Variants in HDAC9 observed in about 807,000 individuals in gnomAD.
The protein encoded by HDAC9 is histone deacetylase 9, also known as MEF-2 interacting transcription repressor (MITR) protein.
Under a neutral mutation model 139.4 loss-of-function variants are expected in HDAC9, and 41 were observed. That is an observed-to-expected ratio of 0.29 (90% CI 0.23 to 0.38). The LOEUF (loss-of-function observed/expected upper bound fraction) is 0.38. Among genes scored for constraint, HDAC9 ranks in the 10% least tolerant of loss-of-function variants. HDAC9 has a pLI of 1.00. For missense variants in HDAC9, 1,147 were observed against 1,297.0 expected (o/e 0.88, Z 1.78); for synonymous variants, 517 against 476.2 (o/e 1.09, Z -1.12).
At chr7:18,126,815 A>G (rs1432319797) in intron 1 of HDAC9, among the ~76,000 whole-genome samples, 1 of 152,148 alleles carries the variant, frequency 6.6e-6, no homozygotes, top group East Asian at 1.9e-4. Flanking sequence ...TTCTGTTTGG[A>G]TTAAAGATAG....
At chr7:18,712,885 G>A (rs1471980529) in intron 12 of HDAC9, among the ~76,000 whole-genome samples, 1 of 152,122 alleles carries the variant, frequency 6.6e-6, no homozygotes, top group Admixed American at 6.5e-5. Context: ...ATTCATGTAA[G>A]CCAGGAACTA....
At chr7:18,255,194 A>G (rs1472157509) in intron 2 of HDAC9, among the ~76,000 whole-genome samples, 5 of 152,228 alleles carry the variant, frequency 3.3e-5, no homozygotes, top group African/African-American at 4.8e-5. Flanking sequence ...AAAAGCAGCC[A>G]TAACTTCCAG....
intron 9 of HDAC9, 94 bp downstream of exon 9, chr7:18,644,887 A>C (rs577570779): frequency 1.4e-5 from 18 of 1,270,590 alleles, no homozygotes; most frequent in Non-Finnish European, 1.8e-5. Flanking sequence ...AGACTTTAGA[A>C]AAACTTGACA....
intron 11 of HDAC9, 29 bp downstream of exon 11, chr7:18,648,712 C>T: frequency 6.3e-7 from 1 of 1,578,256 alleles, no homozygotes; most frequent in South Asian, 1.1e-5. Flanking sequence ...TCAAAATGTT[C>T]TAACCGCCAG....
intron 24 of HDAC9, among the ~76,000 whole-genome samples, chr7:18,960,963 A>G (rs1249773529): frequency 6.6e-6 from 1 of 152,176 alleles, no homozygotes; most frequent in African/African-American, 2.4e-5. Context: ...GTTTCTCCAG[A>G]TTGCAACGTG....
At chr7:18,820,237 A>G (rs928448181) in intron 17 of HDAC9, among the ~76,000 whole-genome samples, 3 of 152,204 alleles carry the variant, frequency 2.0e-5, no homozygotes, top group African/African-American at 7.2e-5. Context: ...TTTGAAAAAC[A>G]GTAAATTAAT....
chr7:18,472,504 C>G (rs1324543645), intron 1 of HDAC9, among the ~76,000 whole-genome samples: 2 of 152,228 alleles, frequency 1.3e-5, no homozygotes, highest in African/African-American at 4.8e-5. Context: ...GCTGTCTACT[C>G]CAAAAGCATC....
chr7:18,958,371 T>C (rs1403169547), intron 24 of HDAC9, among the ~76,000 whole-genome samples: 2 of 152,144 alleles, frequency 1.3e-5, no homozygotes, highest in Non-Finnish European at 2.9e-5. Flanking sequence ...TGAAGACTTA[T>C]CAGAAAGAAT....
intron 2 of HDAC9, among the ~76,000 whole-genome samples, chr7:18,176,262 C>G (rs571249231): frequency 1.3e-5 from 2 of 152,126 alleles, no homozygotes; most frequent in African/African-American, 4.8e-5. Flanking sequence ...TTTTTCTGGT[C>G]TTGAGATCTC....
At chr7:18,442,654 A>C (rs149344295) in intron 1 of HDAC9, among the ~76,000 whole-genome samples, 1 of 152,188 alleles carries the variant, frequency 6.6e-6, no homozygotes, top group African/African-American at 2.4e-5. Context: ...ATTAAATTTT[A>C]TCTTTTTGAG....
intron 1 of HDAC9, among the ~76,000 whole-genome samples, chr7:18,366,276 G>T (rs1784174284): frequency 6.6e-6 from 1 of 152,092 alleles, no homozygotes; most frequent in Non-Finnish European, 1.5e-5. Flanking sequence ...GGAAGTGGAG[G>T]TTCTGTCACA....
intron 1 of HDAC9, among the ~76,000 whole-genome samples, chr7:18,295,039 T>A (rs1798051450): frequency 6.6e-6 from 1 of 152,158 alleles, no homozygotes; most frequent in Non-Finnish European, 1.5e-5. Context: ...TCAATTTACA[T>A]GCTTTTGAAA....
chr7:18,226,495 A>G (rs1222029713), intron 2 of HDAC9, among the ~76,000 whole-genome samples: 1 of 152,198 alleles, frequency 6.6e-6, no homozygotes, highest in Non-Finnish European at 1.5e-5. Context: ...TCCTGGAAGA[A>G]TAAGTGTCAC....
At chr7:18,184,740 A>T (rs1014528949) in intron 2 of HDAC9, among the ~76,000 whole-genome samples, 1 of 152,358 alleles carries the variant, frequency 6.6e-6, no homozygotes, top group African/African-American at 2.4e-5. Flanking sequence ...ATCAGAATCC[A>T]GCATATTCAT....
Position 18,177,630 on chromosome 7 carries a change from C to T in HDAC9, c.25+15281C>T, listed in dbSNP as rs551438924. Among the ~76,000 whole-genome samples the T allele has an allele frequency of 3.2e-4, 48 of 152,268 alleles. No individual in the cohort carries two copies. In the South Asian group the frequency reaches 6.0e-3, roughly 19 times the overall value. ...TCTTCTGTGAGGCCTTCCTGGGTGA[C>T]GCTGACATTTGTTACCTCTCTCAGT... On this transcript the variant is annotated intron_variant, in intron 2 of 12. Transcript: ENST00000417496.
exon 1 of HDAC9, chr7:18,290,503 C>T (rs1178859741): frequency 6.6e-6 from 3 of 456,490 alleles, no homozygotes; most frequent in Admixed American, 4.7e-5. Flanking sequence ...AGAGGGAATG[C>T]ACAACAAAAC....
chr7:18,429,549 T>TTGTGTGTGTGTGTG (rs544337272), intron 1 of HDAC9, among the ~76,000 whole-genome samples: 1 of 150,110 alleles, frequency 6.7e-6, no homozygotes, highest in African/African-American at 2.5e-5. Context: ...GTGTGTGTAT[T>TTGTGTGTGTGTGTG]TGTGTGTGTG....
chr7:18,959,577 A>G (rs946684057), intron 24 of HDAC9, among the ~76,000 whole-genome samples: 1 of 152,276 alleles, frequency 6.6e-6, no homozygotes, highest in African/African-American at 2.4e-5. Flanking sequence ...TTAAAATGAT[A>G]CGAATTCCAT....
At chr7:18,371,812 A>G (rs899912742) in intron 1 of HDAC9, among the ~76,000 whole-genome samples, 3 of 152,186 alleles carry the variant, frequency 2.0e-5, no homozygotes, top group Non-Finnish European at 4.4e-5. Context: ...AAAATGTATA[A>G]TGGTTCAATT....
Sources: allele counts gnomAD v4.1 joint callset (sites outside exome capture counted in the v4.1 genomes callset), GRCh38; gene constraint gnomAD v4.1.1; transcripts MANE v1.5; gene names NCBI Gene and HGNC (gene_info 2026-07-23, HGNC 2026-07-21).